The following AASS variants were observed in gnomAD, a reference collection of about 807,000 sequenced individuals.
The protein encoded by AASS is aminoadipate-semialdehyde synthase.
In AASS, 86 loss-of-function variants were observed where a neutral mutation model predicts 105.4. The observed-to-expected ratio is 0.82, with a 90% CI of 0.69 to 0.98. The LOEUF is 0.98. AASS is among the 50% of genes least tolerant of loss of function. The pLI, the probability that AASS is intolerant of heterozygous loss-of-function variation, is 0.00. For synonymous variants in AASS, 381 were observed against 394.8 expected, an observed-to-expected ratio of 0.96 and a Z score of 0.41; for missense variants, 1,048 against 1,143.2, an observed-to-expected ratio of 0.92 and a Z score of 1.20.
At chr7:122,099,130 T>C (rs1794314579) in intron 13 of AASS, among the ~76,000 whole-genome samples, 1 of 151,864 alleles carries the variant, frequency 6.6e-6, no homozygotes, top group African/African-American at 2.4e-5. Context: ...TATAGATGTA[T>C]TTCATGAATT....
intron 19 of AASS, among the ~76,000 whole-genome samples, chr7:122,084,433 A>G (rs1213158187): frequency 6.6e-6 from 1 of 152,252 alleles, no homozygotes; most frequent in East Asian, 1.9e-4. Flanking sequence ...GAAGCTCTCA[A>G]GAGTAAGAAA....
At chr7:122,127,137 T>C (rs1284154996) in intron 3 of AASS, among the ~76,000 whole-genome samples, 4 of 152,096 alleles carry the variant, frequency 2.6e-5, no homozygotes, top group Non-Finnish European at 5.9e-5. Flanking sequence ...TTCCTTCGAG[T>C]AGCTCAAGAT....
At chr7:122,136,238 T>C (rs979898008) in intron 1 of AASS, among the ~76,000 whole-genome samples, 2 of 152,152 alleles carry the variant, frequency 1.3e-5, no homozygotes, top group African/African-American at 4.8e-5. Context: ...AGCATACAAG[T>C]ACATTTCCTG....
chr7:122,117,988 G>A lies in AASS; in HGVS notation c.687+319C>T, dbSNP rs186443063. On this transcript the variant is annotated intron_variant, in intron 6 of 23. Coordinates refer to ENST00000417368, the MANE Select transcript of AASS (RefSeq NM_005763.4). ...CTCTTTTAAAAAAAGAAAAAGAAAC[G>A]AAGAAAAAGTATTCCAAGACTCCGA... Among the ~76,000 whole-genome samples the A allele has an allele frequency of 2.7e-3, 416 of 152,036 alleles. 3 individuals carry two copies. The highest frequency in any genetic ancestry group is 2.1e-3 in the Non-Finnish European group (141 of 67,964).
chr7:122,140,107 T>C (rs1796316727), intron 1 of AASS, among the ~76,000 whole-genome samples: 1 of 152,148 alleles, frequency 6.6e-6, no homozygotes, highest in Non-Finnish European at 1.5e-5. Context: ...ACCCTTTCCA[T>C]AGCACCAACC....
At chr7:122,102,495 C>A (rs1794478931) in intron 11 of AASS, among the ~76,000 whole-genome samples, 1 of 151,966 alleles carries the variant, frequency 6.6e-6, no homozygotes, top group Admixed American at 6.6e-5. Context: ...ATGAGACAAT[C>A]TTTCCTCCCT....
intron 19 of AASS, among the ~76,000 whole-genome samples, chr7:122,082,161 T>C (rs1339510860): frequency 6.6e-6 from 1 of 152,188 alleles, no homozygotes; most frequent in Non-Finnish European, 1.5e-5. Flanking sequence ...TTTTCTAAGA[T>C]ATGATGATAT....
intron 2 of AASS, 128 bp downstream of exon 2, chr7:122,133,389 A>G: frequency 9.3e-7 from 1 of 1,080,618 alleles, no homozygotes; most frequent in Non-Finnish European, 1.4e-6. Context: ...TAGGGTGAAA[A>G]TAATACTTTT....
intron 3 of AASS, 29 bp downstream of exon 3, chr7:122,129,332 A>G (rs1339455793): frequency 7.1e-7 from 1 of 1,403,686 alleles, no homozygotes; most frequent in Non-Finnish European, 9.5e-7. Context: ...TTTCTACATT[A>G]ATATTTATAA....
intron 2 of AASS, among the ~76,000 whole-genome samples, chr7:122,131,259 G>A (rs777435693): frequency 1.5e-4 from 22 of 150,138 alleles, no homozygotes; most frequent in Non-Finnish European, 2.8e-4. Context: ...GATTGATGAC[G>A]AAACCACACC....
intron 9 of AASS, 150 bp downstream of exon 9, chr7:122,114,924 T>C: frequency 2.1e-6 from 2 of 955,090 alleles, no homozygotes; most frequent in African/African-American, 1.6e-5. Context: ...GGAGAGATGG[T>C]TAACAGTGTT....
intron 18 of AASS, among the ~76,000 whole-genome samples, chr7:122,089,337 G>A (rs956675618): frequency 1.3e-5 from 2 of 152,046 alleles, no homozygotes; most frequent in African/African-American, 4.8e-5. Flanking sequence ...AGGCTGGAGT[G>A]GTCACAAAAA....
intron 11 of AASS, among the ~76,000 whole-genome samples, chr7:122,112,784 A>G (rs1198962432): frequency 6.6e-6 from 1 of 152,196 alleles, no homozygotes; most frequent in Non-Finnish European, 1.5e-5. Flanking sequence ...ACGGCACAAT[A>G]AGAGTGCCCC....
intron 9 of AASS, 33 bp from the exon 10 acceptor site, chr7:122,113,753 T>C (rs1298476566): frequency 3.1e-6 from 5 of 1,608,610 alleles, no homozygotes; most frequent in East Asian, 4.5e-5. Context: ...GATGAGAGGA[T>C]GAAATTCTGA....
chr7:122,095,792 A>G (rs1320406706), intron 15 of AASS, among the ~76,000 whole-genome samples: 2 of 152,126 alleles, frequency 1.3e-5, no homozygotes, highest in East Asian at 3.9e-4. Context: ...GAAACCACTG[A>G]GCAAAATACT....
intron 18 of AASS, 141 bp downstream of exon 18, chr7:122,091,562 T>C: frequency 3.0e-6 from 4 of 1,326,982 alleles, no homozygotes; most frequent in Non-Finnish European, 2.1e-6. Context: ...ACAGAAAATA[T>C]ACACTGGGAA....
intron 4 of AASS, 74 bp from the exon 5 acceptor site, chr7:122,118,704 A>G (rs1213219532): frequency 3.5e-6 from 5 of 1,427,734 alleles, no homozygotes; most frequent in Non-Finnish European, 4.9e-6. Flanking sequence ...CTCGTTCTCC[A>G]ATCTGCATGG....
chr7:122,127,109 A>G (rs578177790), intron 3 of AASS, among the ~76,000 whole-genome samples: 13 of 151,862 alleles, frequency 8.6e-5, no homozygotes, highest in Non-Finnish European at 1.8e-4. Context: ...TAACCTTCCT[A>G]TTAAAAGTAG....
intron 19 of AASS, chr7:122,082,697 C>A: frequency 1.5e-6 from 1 of 646,786 alleles, no homozygotes; most frequent in South Asian, 1.7e-5. Flanking sequence ...TGCGTCACCA[C>A]TGACGACTAA....
Sources: allele counts gnomAD v4.1 joint callset (sites outside exome capture counted in the v4.1 genomes callset), GRCh38; gene constraint gnomAD v4.1.1; transcripts MANE v1.5; gene names NCBI Gene and HGNC (gene_info 2026-07-23, HGNC 2026-07-21).